PPM1F: variants seen among roughly 807,000 people sequenced by gnomAD.
The protein encoded by PPM1F is protein phosphatase 1F.
PPM1F carries 17 observed loss-of-function variants against 35.5 expected under a neutral mutation model. That is an observed-to-expected ratio of 0.48 (90% CI 0.33 to 0.72). The LOEUF is 0.72. Ranked by LOEUF, PPM1F falls within the 30% of genes least tolerant of loss-of-function variation. PPM1F has a pLI of 0.02. For missense variants in PPM1F, 521 were observed against 613.0 expected (o/e 0.85, Z 1.59); for synonymous variants, 241 against 255.5 (o/e 0.94, Z 0.54).
intron 7 of PPM1F, among the ~76,000 whole-genome samples, chr22:21,924,403 G>A (rs990168633): frequency 7.2e-5 from 11 of 151,882 alleles, no homozygotes; most frequent in Admixed American, 2.6e-4. Flanking sequence ...AAGTAGCTGC[G>A]ATTACAGGCA....
intron 6 of PPM1F, among the ~76,000 whole-genome samples, chr22:21,927,816 C>T (rs1351581755): frequency 6.6e-6 from 1 of 152,186 alleles, no homozygotes; most frequent in Non-Finnish European, 1.5e-5. Context: ...TCCAGTGGCT[C>T]CCACCTCCGT....
intron 3 of PPM1F, chr22:21,935,390 A>T (rs532084295): frequency 6.6e-6 from 1 of 152,298 alleles, no homozygotes; most frequent in African/African-American, 2.4e-5. Context: ...GGGTGACAGG[A>T]GGGATCCTGG....
At position 21,949,351 on chromosome 22, in the gene PPM1F, G is replaced by T. The variant is rs182660686; in HGVS notation, c.-60-3243C>A. 5.3e-5 allele frequency: 8 copies of T among 152,362 alleles called. No homozygotes were observed. The East Asian group carries it at 1.5e-3, about 29-fold the overall frequency. The allele number at this position is 152,362 out of a possible 1,614,324, so 9.4% of individuals were successfully genotyped here. ...CAGGACACAGCTTTCTCTCCCTGGA[G>T]CCCAGATGTCGAAAGGGACAGGAAT... On this transcript the variant is annotated intron_variant, in intron 1 of 7. Coordinates refer to ENST00000263212, the MANE Select transcript of PPM1F (RefSeq NM_014634.4).
intron 3 of PPM1F, chr22:21,936,009 C>T (rs917788337): frequency 1.3e-5 from 2 of 151,892 alleles, no homozygotes; most frequent in Non-Finnish European, 2.9e-5. Flanking sequence ...ATGAACAACA[C>T]CAAACCAAAA....
intron 3 of PPM1F, chr22:21,938,690 A>G (rs2070691495): frequency 2.5e-6 from 2 of 801,502 alleles, no homozygotes; most frequent in African/African-American, 3.8e-5. Flanking sequence ...TCCAGGGACA[A>G]CTATTCAGCT....
Position 21,939,672 on chromosome 22 carries a change from G to A in PPM1F, c.215C>T (p.Pro72Leu), listed in dbSNP as rs554795895. ...AMGFLGSRKA[P>L]PPLAAALAHE... is the part of the protein sequence containing the mutation. ...GGCCAGAGCAGCAGCAAGTGGTGGCGGGGCCTTCCTAGGGATGAGGAGGGG... is the reference window on the plus strand; with the variant it reads ...GGCCAGAGCAGCAGCAAGTGGTGGCAGGGCCTTCCTAGGGATGAGGAGGGG... The change falls in exon 3 of 8, where the codon CCG (proline) becomes CTG (leucine). Residue 72 changes from proline (P) to leucine (L), a missense_variant. This residue lies in a region of PPM1F where 311 missense variants were observed against 351.5 expected (regional missense o/e 0.88). Coordinates refer to ENST00000263212, the MANE Select transcript of PPM1F (RefSeq NM_014634.4). The surrounding 1 kb of genome is among the most constrained non-coding windows in gnomAD (Gnocchi z 5.1). The A allele has an allele frequency of 1.0e-5, 16 of 1,552,556 alleles. No homozygotes were observed. The highest frequency in any genetic ancestry group is 7.1e-5 in the South Asian group (6 of 84,132).
chr22:21,951,778 GAAGA>G (rs1382204661), intron 1 of PPM1F: 2 of 152,268 alleles, frequency 1.3e-5, no homozygotes, highest in Non-Finnish European at 2.9e-5. Flanking sequence ...CACTGCAGAT[GAAGA>G]AATAGGTTAT....
Position 21,923,306 on chromosome 22 carries a change from C to A in PPM1F, c.1151G>T (p.Gly384Val), listed in dbSNP as rs1177548949. ...CTCCTCGGCGACACGGAGCCCGCTGCCCTGCTGCCTGGTCAGGTGGCTCTG... is the reference window on the plus strand; with the variant it reads ...CTCCTCGGCGACACGGAGCCCGCTGACCTGCTGCCTGGTCAGGTGGCTCTG... ...LVQSHLTRQQ[G>V]SGLRVAEELV... is the part of the protein sequence containing the mutation. Residue 384 changes from glycine (G) to valine (V), a missense_variant, in exon 8 of 8, where the codon GGC (glycine) becomes GTC (valine). By Grantham distance (109) the Gly-to-Val change is moderately radical. This residue lies in a region of PPM1F where 163 missense variants were observed against 169.6 expected (regional missense o/e 0.96). Transcript: ENST00000263212. 1 of 1,613,404 alleles carries A rather than the reference C, an allele frequency of 6.2e-7. No homozygotes were observed.
chr22:21,923,043 G>A lies in PPM1F; in HGVS notation c.*49C>T. ...GTTGGGTCCTGAGGCTTCTGAGGGA[G>A]AGAAGGACAAGGATGGGAGGAAGGG... is the stretch of plus-strand genomic sequence containing the variant. On this transcript the variant is annotated 3_prime_UTR_variant, in exon 8 of 8. Coordinates refer to ENST00000263212, the MANE Select transcript of PPM1F (RefSeq NM_014634.4). 1.9e-6 allele frequency: 3 copies of A among 1,541,396 alleles called. No individual in the cohort carries two copies. Among genetic ancestry groups the A allele is most frequent in the Non-Finnish European group, 2.6e-6 (3 of 1,146,790 alleles).
At position 21,934,058 on chromosome 22, in the gene PPM1F, G is replaced by C. The variant is rs1448208975; in HGVS notation, c.524C>G (p.Ser175Cys). Reference sequence around the variant, plus strand: ...GAAGAGCTGGTTGAAGGAAGGGAGGGACACGTGCCGGTCCTCCATCTTGCG... The same window carrying C: ...GAAGAGCTGGTTGAAGGAAGGGAGGCACACGTGCCGGTCCTCCATCTTGCG... The part of the protein sequence containing the change: ...TRRKMEDRHV[S>C]LPSFNQLFGL... The change falls in exon 4 of 8, where the codon TCC becomes TGC. Residue 175 changes from serine (S) to cysteine (C), a missense_variant. Ser to Cys is a moderately radical substitution (Grantham distance 112). Transcript: ENST00000263212. The C allele has an allele frequency of 2.6e-6, 4 of 1,564,824 alleles. No individual in the cohort carries two copies. Among genetic ancestry groups the C allele is most frequent in the Non-Finnish European group, 3.5e-6 (4 of 1,154,276 alleles).
At position 21,934,385 on chromosome 22, in the gene PPM1F, T is replaced by C. The variant is rs142420040; in HGVS notation, c.356-159A>G. The C allele has an allele frequency of 5.6e-3, 3,432 of 613,336 alleles. 40 individuals carry two copies. The highest frequency in any genetic ancestry group is 0.036 in the Middle Eastern group (83 of 2,316). The allele number at this position is 613,336 out of a possible 1,614,324, so 38.0% of individuals were successfully genotyped here. ...CAATAACGCGCACATGGCAGCCTGT[T>C]ACCAGAATTAGAAATGTCTAGTTTG... On this transcript the variant is annotated intron_variant, in intron 3 of 7. Coordinates refer to ENST00000263212, the MANE Select transcript of PPM1F (RefSeq NM_014634.4).
At chr22:21,938,307 C>A (rs1410146310) in intron 3 of PPM1F, 1 of 1,227,666 alleles carries the variant, frequency 8.1e-7, no homozygotes, top group African/African-American at 1.6e-5. Context: ...AGCGGAGGAG[C>A]AGCAGCTGCC....
chr22:21,937,921 G>A, intron 3 of PPM1F: 4 of 394,436 alleles, frequency 1.0e-5, no homozygotes, highest in Non-Finnish European at 1.3e-5. Context: ...AGAGGTTTCA[G>A]CCACTCGCTG....
chr22:21,945,744 G>A (rs942629631), intron 2 of PPM1F, 99 bp downstream of exon 2: 149 of 1,262,508 alleles, frequency 1.2e-4, no homozygotes, highest in Non-Finnish European at 1.5e-4. Context: ...GCAGATCCCC[G>A]TGTGGGGCTG....
intron 7 of PPM1F, among the ~76,000 whole-genome samples, chr22:21,924,573 T>C (rs1331713409): frequency 2.8e-5 from 3 of 107,008 alleles, no homozygotes; most frequent in African/African-American, 1.1e-4. Context: ...GCCCAGCTAC[T>C]TTTTTTTTTT....
chr22:21,944,035 C>G (rs2070752883), intron 2 of PPM1F: 1 of 152,416 alleles, frequency 6.6e-6, no homozygotes, highest in Non-Finnish European at 1.5e-5. Flanking sequence ...CTGGACTCCC[C>G]TGCTCCCTGC....
At chr22:21,933,255 A>T in intron 5 of PPM1F, 136 bp downstream of exon 5, 1 of 820,272 alleles carries the variant, frequency 1.2e-6, no homozygotes, top group Non-Finnish European at 1.8e-6. Flanking sequence ...CCCTTTAGAA[A>T]AAATGGCAGG....
chr22:21,948,169 A>T (rs561335624), intron 1 of PPM1F: 2 of 152,262 alleles, frequency 1.3e-5, no homozygotes, highest in East Asian at 3.9e-4. Context: ...GCAAGCAGGT[A>T]AAAGGATAAA....
intron 3 of PPM1F, chr22:21,938,558 G>T: frequency 9.5e-7 from 1 of 1,047,194 alleles, no homozygotes; most frequent in African/African-American, 1.7e-5. Context: ...GCATGCACTA[G>T]TAATGCCGAA....
Sources: gnomAD v4.1 joint callset for allele counts (sites outside exome capture counted in the v4.1 genomes callset) on GRCh38, gnomAD v4.1.1 for gene constraint, gnomAD v4.1.1 regional missense constraint, Gnocchi (gnomAD v3.1) non-coding constraint, MANE v1.5 for transcripts, NCBI Gene and HGNC (gene_info 2026-07-23, HGNC 2026-07-21) for gene names.